The following FSIP1 variants were observed in gnomAD, a reference collection of about 807,000 sequenced individuals.
FSIP1 encodes fibrous sheath-interacting protein 1.
FSIP1 carries 65 observed loss-of-function variants against 60.9 expected under a neutral mutation model. The ratio of observed to expected loss-of-function variants is 1.07; its 90% confidence interval spans 0.87 to 1.31. The LOEUF is 1.31. Ranked by LOEUF, FSIP1 falls within the 40% of genes most tolerant of loss-of-function variation. FSIP1 has a pLI of 0.00. For synonymous variants in FSIP1, 209 were observed against 221.2 expected, an observed-to-expected ratio of 0.94 and a Z score of 0.49; for missense variants, 675 against 665.5, an observed-to-expected ratio of 1.01 and a Z score of -0.16.
intron 3 of FSIP1, among the ~76,000 whole-genome samples, chr15:39,766,092 T>TA: frequency 6.6e-6 from 1 of 152,290 alleles, no homozygotes; most frequent in East Asian, 1.9e-4. Flanking sequence ...TGTTCATGAC[T>TA]AAAAAATAGG....
chr15:39,654,566 A>T (rs1412702707), intron 10 of FSIP1, among the ~76,000 whole-genome samples: 1 of 152,262 alleles, frequency 6.6e-6, no homozygotes, highest in African/African-American at 2.4e-5. Context: ...TCTTTGAGAG[A>T]CAATAAATCC....
intron 10 of FSIP1, among the ~76,000 whole-genome samples, chr15:39,668,250 T>G (rs8030230): frequency 0.02 from 3,084 of 152,080 alleles, 104 homozygotes; most frequent in African/African-American, 0.07. Flanking sequence ...CCATGAATAT[T>G]TGTTGATTCA....
chr15:39,610,418 A>G (rs964613486), intron 11 of FSIP1, among the ~76,000 whole-genome samples: 2 of 152,234 alleles, frequency 1.3e-5, no homozygotes, highest in Non-Finnish European at 2.9e-5. Flanking sequence ...GCAGTGGCTC[A>G]TGCCTGTAAT....
At chr15:39,764,388 G>A (rs1293188314) in intron 4 of FSIP1, among the ~76,000 whole-genome samples, 2 of 152,066 alleles carry the variant, frequency 1.3e-5, no homozygotes, top group Non-Finnish European at 2.9e-5. Context: ...ATTGCATTTT[G>A]GATGTTTCTT....
At chr15:39,753,967 G>A (rs1897236440) in intron 5 of FSIP1, among the ~76,000 whole-genome samples, 1 of 151,826 alleles carries the variant, frequency 6.6e-6, no homozygotes, top group East Asian at 1.9e-4. Flanking sequence ...GCTAACAGAT[G>A]TATGAAACCT....
At chr15:39,701,305 C>A (rs1895048670) in intron 10 of FSIP1, among the ~76,000 whole-genome samples, 2 of 150,172 alleles carry the variant, frequency 1.3e-5, no homozygotes, top group Non-Finnish European at 3.0e-5. Flanking sequence ...ATAAGAAGGG[C>A]AAAAAAAAAG....
intron 10 of FSIP1, among the ~76,000 whole-genome samples, chr15:39,634,491 G>C (rs1055077821): frequency 6.6e-6 from 1 of 152,084 alleles, no homozygotes; most frequent in Non-Finnish European, 1.5e-5. Context: ...GTATAACACA[G>C]CTGAACACTC....
At chr15:39,759,173 G>C (rs1897402240) in intron 5 of FSIP1, among the ~76,000 whole-genome samples, 1 of 151,626 alleles carries the variant, frequency 6.6e-6, no homozygotes, top group Non-Finnish European at 1.5e-5. Context: ...ACTAACTAGA[G>C]CAAGAAATGT....
intron 10 of FSIP1, among the ~76,000 whole-genome samples, chr15:39,626,986 C>T (rs1891667942): frequency 6.6e-6 from 1 of 152,060 alleles, no homozygotes; most frequent in Non-Finnish European, 1.5e-5. Flanking sequence ...CCCCCCTCAC[C>T]CCAATCACAG....
At chr15:39,722,258 A>G (rs184983550) in intron 9 of FSIP1, among the ~76,000 whole-genome samples, 2 of 151,850 alleles carry the variant, frequency 1.3e-5, no homozygotes, top group Admixed American at 6.6e-5. Flanking sequence ...CCCGGATGGA[A>G]CCATCTAGTT....
intron 10 of FSIP1, among the ~76,000 whole-genome samples, chr15:39,683,499 CT>C (rs745840615): frequency 6.6e-6 from 1 of 152,094 alleles, no homozygotes; most frequent in Non-Finnish European, 1.5e-5. Flanking sequence ...TGCTTTCCCC[CT>C]AAGACCAGAA....
chr15:39,665,041 T>G (rs914981278), intron 10 of FSIP1, among the ~76,000 whole-genome samples: 2 of 152,216 alleles, frequency 1.3e-5, no homozygotes, highest in Non-Finnish European at 2.9e-5. Flanking sequence ...AAATATTTGT[T>G]GCAAGTCCTA....
At chr15:39,612,133 G>A (rs1298807468) in intron 11 of FSIP1, among the ~76,000 whole-genome samples, 1 of 152,030 alleles carries the variant, frequency 6.6e-6, no homozygotes, top group African/African-American at 2.4e-5. Context: ...GAAAACATTG[G>A]ACTTGAATTA....
intron 3 of FSIP1, among the ~76,000 whole-genome samples, chr15:39,766,381 GATA>G (rs751238148): frequency 3.3e-5 from 5 of 152,112 alleles, no homozygotes; most frequent in African/African-American, 9.7e-5. Flanking sequence ...TATGATTAAC[GATA>G]ATAATAACTA....
At chr15:39,763,958 A>T in intron 4 of FSIP1, 44 bp from the exon 5 acceptor site, 1 of 998,324 alleles carries the variant, frequency 1.0e-6, no homozygotes, top group Non-Finnish European at 1.6e-6. Flanking sequence ...AAAAGAAGGC[A>T]ACTATAATCA....
chr15:39,753,671 C>T (rs1008783607), intron 5 of FSIP1, among the ~76,000 whole-genome samples: 19 of 151,632 alleles, frequency 1.3e-4, no homozygotes, highest in African/African-American at 4.6e-4. Flanking sequence ...CAATAAATTT[C>T]AACACTAAGT....
chr15:39,664,868 C>T (rs1007865794), intron 10 of FSIP1, among the ~76,000 whole-genome samples: 1 of 152,090 alleles, frequency 6.6e-6, no homozygotes, highest in Non-Finnish European at 1.5e-5. Flanking sequence ...TGGAAGTGAT[C>T]TCCCTCCTCT....
chr15:39,638,732 G>A (rs145099695), intron 10 of FSIP1, among the ~76,000 whole-genome samples: 1 of 152,036 alleles, frequency 6.6e-6, no homozygotes, highest in Admixed American at 6.6e-5. Context: ...GGGAAAAGAA[G>A]GTAATAACAA....
intron 5 of FSIP1, among the ~76,000 whole-genome samples, chr15:39,749,141 CAG>C (rs1897086282): frequency 6.6e-6 from 1 of 151,182 alleles, no homozygotes; most frequent in Admixed American, 6.6e-5. Context: ...ACAATAAACA[CAG>C]AGATTGAAGT....
Sources: allele counts gnomAD v4.1 joint callset (sites outside exome capture counted in the v4.1 genomes callset), GRCh38; gene constraint gnomAD v4.1.1; transcripts MANE v1.5; gene names NCBI Gene and HGNC (gene_info 2026-07-23, HGNC 2026-07-21).